DLGAP1: variants seen among roughly 807,000 people sequenced by gnomAD.
DLGAP1 encodes the protein disks large-associated protein 1.
In DLGAP1, 11 loss-of-function variants were observed where a neutral mutation model predicts 90.8. The ratio of observed to expected loss-of-function variants is 0.12; its 90% CI spans 0.08 to 0.20. The LOEUF (loss-of-function observed/expected upper bound fraction) is 0.20. DLGAP1 is among the 10% of genes least tolerant of loss of function. DLGAP1 has a pLI of 1.00. For missense variants in DLGAP1, 1,050 were observed against 1,333.8 expected, an observed-to-expected ratio of 0.79 and a Z score of 3.31; for synonymous variants, 558 against 540.7, an observed-to-expected ratio of 1.03 and a Z score of -0.44.
At chr18:3,971,474 G>C (rs1428252931) in intron 3 of DLGAP1, among the ~76,000 whole-genome samples, 1 of 152,114 alleles carries the variant, frequency 6.6e-6, no homozygotes. Context: ...ATGTGTGCAT[G>C]TATACCTGAA....
intron 1 of DLGAP1, among the ~76,000 whole-genome samples, chr18:4,164,258 A>C (rs947489788): frequency 2.0e-5 from 3 of 152,204 alleles, no homozygotes; most frequent in Non-Finnish European, 4.4e-5. Flanking sequence ...ATCACCTGTC[A>C]TACAAAAATC....
Position 4,101,958 on chromosome 18 carries a change from A to C in DLGAP1, c.-159+49222T>G, listed in dbSNP as rs148511887. 4.2e-3 allele frequency among the ~76,000 whole-genome samples: 643 copies of C among 152,198 alleles called. 3 individuals are homozygous for C. Among genetic ancestry groups the C allele is most frequent in the South Asian group, 0.026 (126 of 4,816 alleles). On this transcript the variant is annotated intron_variant, in intron 2 of 12. Coordinates refer to ENST00000315677, the MANE Select transcript of DLGAP1 (RefSeq NM_004746.4). ...TACATATACAAGCAGTTATAGATAT[A>C]TAAAACATTAAAGCAGTCTTTTGTG...
intron 6 of DLGAP1, among the ~76,000 whole-genome samples, chr18:3,734,326 C>G (rs1192795274): frequency 2.0e-5 from 3 of 152,136 alleles, no homozygotes; most frequent in African/African-American, 7.2e-5. Context: ...CATCATAGCT[C>G]ACTGCAGCCT....
At position 4,369,109 on chromosome 18, in the gene DLGAP1, C is replaced by T. The variant is rs543884432; in HGVS notation, c.-267+85897G>A. ...AAGATGGATCTCTAAGGTCACAAAA[C>T]CTCTGATGGAAGAGCCAGAAATAGA... is the stretch of plus-strand genomic sequence containing the variant. On this transcript the variant is annotated intron_variant, in intron 1 of 12. Coordinates refer to ENST00000315677, the MANE Select transcript of DLGAP1 (RefSeq NM_004746.4). Among the ~76,000 whole-genome samples the T allele has an allele frequency of 2.6e-5, 4 of 152,250 alleles. No homozygotes were observed. In the South Asian group the frequency reaches 8.3e-4, roughly 32 times the overall value.
chr18:3,499,261 G>C lies in DLGAP1; in HGVS notation c.2858C>G (p.Ser953Cys). 1 of 1,601,326 alleles carries C rather than the reference G, an allele frequency of 6.2e-7. No homozygotes were observed. Among genetic ancestry groups the C allele is most frequent in the South Asian group, 1.1e-5 (1 of 89,642 alleles). ...KRLMAAKRAA[S>C]VRQNSATESA... ...CTCGGTGGCCGAGTTCTGGCGGACG[G>C]ACGCGGCGCGCTTGGCGGCCATCAG... Residue 953 changes from serine to cysteine, a missense_variant, in exon 13 of 13, where the codon TCC (serine) becomes TGC (cysteine). Ser to Cys is a moderately radical substitution (Grantham distance 112). This residue lies in a region of DLGAP1 where 565 missense variants were observed against 879.7 expected (regional missense o/e 0.64). Transcript: ENST00000315677. The surrounding 1 kb of genome is among the most constrained non-coding windows in gnomAD (Gnocchi z 6.4).
chr18:4,397,588 T>C (rs1209153088), intron 1 of DLGAP1, among the ~76,000 whole-genome samples: 2 of 152,158 alleles, frequency 1.3e-5, no homozygotes, highest in East Asian at 3.9e-4. Flanking sequence ...TTACTCTTTA[T>C]TGCACCTTAC....
intron 1 of DLGAP1, among the ~76,000 whole-genome samples, chr18:4,339,074 T>G (rs915659633): frequency 6.6e-6 from 1 of 152,212 alleles, no homozygotes; most frequent in African/African-American, 2.4e-5. Flanking sequence ...AGTTAAGAAC[T>G]AAAGGGTCCT....
intron 1 of DLGAP1, among the ~76,000 whole-genome samples, chr18:4,234,823 T>G (rs893489044): frequency 8.5e-5 from 13 of 152,166 alleles, no homozygotes; most frequent in African/African-American, 3.1e-4. Context: ...ACGTTCTTTT[T>G]TTCCTGTTTT....
intron 7 of DLGAP1, among the ~76,000 whole-genome samples, chr18:3,644,043 A>G: frequency 6.6e-6 from 1 of 152,202 alleles, no homozygotes; most frequent in East Asian, 1.9e-4. Flanking sequence ...GGGCCATGTG[A>G]CTAGTTCTAG....
At chr18:4,270,253 C>T (rs11663490) in intron 1 of DLGAP1, among the ~76,000 whole-genome samples, 16,832 of 152,062 alleles carry the variant, frequency 0.11, 1,679 homozygotes, top group African/African-American at 0.27. Context: ...ATTTCATTTT[C>T]CCCTCTTATT....
intron 3 of DLGAP1, among the ~76,000 whole-genome samples, chr18:3,912,795 T>C (rs1368337124): frequency 1.3e-5 from 2 of 152,044 alleles, no homozygotes; most frequent in African/African-American, 4.8e-5. Flanking sequence ...TCTTTCCATG[T>C]CTTTGTTTCC....
intron 2 of DLGAP1, among the ~76,000 whole-genome samples, chr18:4,122,760 G>A (rs1171943419): frequency 6.6e-6 from 1 of 152,210 alleles, no homozygotes; most frequent in African/African-American, 2.4e-5. Flanking sequence ...AGGTTGTAAA[G>A]CTGGAGAGGC....
chr18:3,748,397 T>C (rs974186598), intron 5 of DLGAP1, among the ~76,000 whole-genome samples: 12 of 152,226 alleles, frequency 7.9e-5, no homozygotes, highest in African/African-American at 2.9e-4. Context: ...TTACTGGAAA[T>C]AACTTCAGAT....
At chr18:3,865,990 A>G (rs1458805268) in intron 4 of DLGAP1, among the ~76,000 whole-genome samples, 1 of 152,224 alleles carries the variant, frequency 6.6e-6, no homozygotes, top group Non-Finnish European at 1.5e-5. Flanking sequence ...CTGTGGAAAG[A>G]GCACTAGCCT....
At position 3,772,398 on chromosome 18, in the gene DLGAP1, T is replaced by C. The variant is rs1273887162; in HGVS notation, c.1173-29886A>G. 1.4e-4 allele frequency among the ~76,000 whole-genome samples: 5 copies of C among 34,758 alleles called. 1 individual carries two copies. The highest frequency in any genetic ancestry group is 1.8e-3 in the South Asian group (1 of 566). The allele number at this position is 34,758 out of a possible 152,430, so 22.8% of individuals were successfully genotyped here. A position where few individuals can be genotyped will look rare whatever the true frequency, so the allele number is the denominator to read the frequency against. On this transcript the variant is annotated intron_variant, in intron 5 of 12. Coordinates refer to ENST00000315677, the MANE Select transcript of DLGAP1 (RefSeq NM_004746.4). ...TTTCTTTCTTTCTTTCTTTCTTTCT[T>C]TCTTTCTTTCTCTTTCTTTCTTTCC...
chr18:3,984,728 T>C (rs2073806804), intron 3 of DLGAP1, among the ~76,000 whole-genome samples: 1 of 152,136 alleles, frequency 6.6e-6, no homozygotes, highest in Non-Finnish European at 1.5e-5. Flanking sequence ...AATCAACTCC[T>C]AATTGAATCC....
intron 3 of DLGAP1, among the ~76,000 whole-genome samples, chr18:3,888,975 G>A (rs2071392040): frequency 6.6e-6 from 1 of 152,168 alleles, no homozygotes. Flanking sequence ...GAGCCAGCTA[G>A]GAGAATGTGG....
At chr18:3,946,069 A>T (rs1331895748) in intron 3 of DLGAP1, among the ~76,000 whole-genome samples, 1 of 152,110 alleles carries the variant, frequency 6.6e-6, no homozygotes, top group African/African-American at 2.4e-5. Flanking sequence ...AGGTATACTT[A>T]ATATCAACAT....
intron 1 of DLGAP1, among the ~76,000 whole-genome samples, chr18:4,210,265 TAA>T (rs1441622017): frequency 6.6e-6 from 1 of 152,186 alleles, no homozygotes; most frequent in Non-Finnish European, 1.5e-5. Flanking sequence ...GTATGGTCAT[TAA>T]AAGGTGTTGT....
Sources: allele counts gnomAD v4.1 joint callset (sites outside exome capture counted in the v4.1 genomes callset), GRCh38; gene constraint gnomAD v4.1.1; regional missense constraint gnomAD v4.1.1; non-coding constraint Gnocchi (gnomAD v3.1); transcripts MANE v1.5; gene names NCBI Gene and HGNC (gene_info 2026-07-23, HGNC 2026-07-21).